Variants in ANXA10 observed in about 807,000 individuals in gnomAD.
ANXA10 encodes annexin A10.
ANXA10 carries 49 observed loss-of-function variants against 53.5 expected under a neutral mutation model. That is an observed-to-expected ratio of 0.92 (90% CI 0.73 to 1.16). The LOEUF (loss-of-function observed/expected upper bound fraction) is 1.16, where lower values mean the gene tolerates loss of function less well. ANXA10 is among the 50% of genes most tolerant of loss of function. The pLI is 0.00. For missense variants in ANXA10, 393 were observed against 394.4 expected (o/e 1.00, Z 0.03); for synonymous variants, 131 against 128.9 (o/e 1.02, Z -0.11).
intron 3 of ANXA10, among the ~76,000 whole-genome samples, chr4:168,147,431 C>A (rs988871724): frequency 1.3e-5 from 2 of 152,140 alleles, no homozygotes; most frequent in African/African-American, 4.8e-5. Context: ...CCAGAGGCTC[C>A]AATCAGCAAA....
chr4:168,111,964 T>C (rs1174042023), intron 1 of ANXA10, among the ~76,000 whole-genome samples: 1 of 152,146 alleles, frequency 6.6e-6, no homozygotes, highest in East Asian at 1.9e-4. Context: ...CACAATAGAC[T>C]TCAAGAAATA....
At chr4:168,097,756 A>G (rs1730575033) in intron 1 of ANXA10, among the ~76,000 whole-genome samples, 1 of 151,780 alleles carries the variant, frequency 6.6e-6, no homozygotes, top group Admixed American at 6.6e-5. Flanking sequence ...ATAAACCCTG[A>G]CCTCTTGAAA....
intron 6 of ANXA10, among the ~76,000 whole-genome samples, chr4:168,175,422 T>G (rs1303575118): frequency 6.6e-6 from 1 of 152,178 alleles, no homozygotes; most frequent in East Asian, 1.9e-4. Context: ...AATAAGTTAT[T>G]TAGGCTAAGG....
At chr4:168,174,116 T>C (rs1732072256) in intron 6 of ANXA10, among the ~76,000 whole-genome samples, 1 of 152,024 alleles carries the variant, frequency 6.6e-6, no homozygotes, top group Non-Finnish European at 1.5e-5. Flanking sequence ...CAGTGTAACC[T>C]CATTCTCCTT....
intron 1 of ANXA10, among the ~76,000 whole-genome samples, chr4:168,122,327 T>A (rs10212853): frequency 0.087 from 13,290 of 152,206 alleles, 1,943 homozygotes; most frequent in African/African-American, 0.3. Context: ...ATCAGGTGGT[T>A]AGAAAATAGT....
intron 1 of ANXA10, among the ~76,000 whole-genome samples, chr4:168,104,106 A>G (rs921423313): frequency 2.6e-5 from 4 of 151,878 alleles, no homozygotes; most frequent in Non-Finnish European, 5.9e-5. Context: ...TTTAACATGA[A>G]TAGATGCTAT....
intron 3 of ANXA10, among the ~76,000 whole-genome samples, chr4:168,156,425 ACT>A (rs1467406905): frequency 5.8e-5 from 7 of 120,538 alleles, no homozygotes; most frequent in African/African-American, 2.2e-4. Context: ...TATTATATAT[ACT>A]ATATAATATA....
chr4:168,095,658 T>C (rs1160046516), intron 1 of ANXA10, among the ~76,000 whole-genome samples: 1 of 152,268 alleles, frequency 6.6e-6, no homozygotes, highest in East Asian at 1.9e-4. Flanking sequence ...ACCCAAATGT[T>C]TTATACATAT....
intron 3 of ANXA10, among the ~76,000 whole-genome samples, chr4:168,145,673 A>G (rs1457424267): frequency 1.3e-5 from 2 of 152,188 alleles, no homozygotes; most frequent in African/African-American, 4.8e-5. Flanking sequence ...GAAATCCCAA[A>G]TTTTACAAAT....
At chr4:168,179,738 T>C (rs533794963) in intron 9 of ANXA10, among the ~76,000 whole-genome samples, 18 of 152,316 alleles carry the variant, frequency 1.2e-4, no homozygotes, top group African/African-American at 4.1e-4. Flanking sequence ...TAATAAATTT[T>C]GGTTTAGGAG....
At chr4:168,123,366 A>G (rs1245729812) in intron 1 of ANXA10, among the ~76,000 whole-genome samples, 1 of 152,212 alleles carries the variant, frequency 6.6e-6, no homozygotes, top group Non-Finnish European at 1.5e-5. Context: ...GCTCAGTTCC[A>G]AATATATCAT....
intron 1 of ANXA10, among the ~76,000 whole-genome samples, chr4:168,123,105 G>A (rs2149468770): frequency 6.6e-6 from 1 of 152,120 alleles, no homozygotes; most frequent in Non-Finnish European, 1.5e-5. Context: ...GGTTTTTGTG[G>A]GGGTCTACAC....
intron 2 of ANXA10, among the ~76,000 whole-genome samples, chr4:168,129,961 A>G (rs971909534): frequency 1.3e-5 from 2 of 152,180 alleles, no homozygotes. Context: ...AACCGAAGTC[A>G]TTTTTAACCT....
rs1560783575 is a variant in ANXA10, at chr4:168,155,720, TA to T, written c.196-6806del. Among the ~76,000 whole-genome samples, 81 of 63,900 alleles carry T rather than the reference TA, an allele frequency of 1.3e-3. 15 individuals carry two copies. Among genetic ancestry groups the T allele is most frequent in the African/African-American group, 4.9e-3 (76 of 15,618 alleles). The allele number at this position is 63,900 out of a possible 152,430, so 41.9% of individuals were successfully genotyped here. A position where few individuals can be genotyped will look rare whatever the true frequency, so the allele number is the denominator to read the frequency against. The stretch of plus-strand genomic sequence containing the variant: ...TATATTATAAATATATAATATTATA[TA>T]ATATAATATATGATATATCATATAT... On this transcript the variant is annotated intron_variant, in intron 3 of 11. Coordinates refer to ENST00000359299, the MANE Select transcript of ANXA10 (RefSeq NM_007193.5).
intron 4 of ANXA10, among the ~76,000 whole-genome samples, 200 bp from the exon 5 acceptor site, chr4:168,163,998 T>A (rs1731829977): frequency 6.6e-6 from 1 of 152,180 alleles, no homozygotes; most frequent in African/African-American, 2.4e-5. Context: ...TTCCTTCAGA[T>A]AATATTAATT....
intron 1 of ANXA10, chr4:168,127,815 A>AT (rs1731092814): frequency 2.8e-6 from 1 of 362,978 alleles, no homozygotes; most frequent in East Asian, 4.5e-5. Flanking sequence ...CAATGTTGAA[A>AT]CCTTTTTTTT....
At chr4:168,133,313 TA>T (rs1397099166) in intron 2 of ANXA10, among the ~76,000 whole-genome samples, 1 of 152,114 alleles carries the variant, frequency 6.6e-6, no homozygotes, top group African/African-American at 2.4e-5. Flanking sequence ...AATACATCCA[TA>T]AAAAATAATA....
At chr4:168,112,705 T>C (rs1560960601) in intron 1 of ANXA10, among the ~76,000 whole-genome samples, 1 of 152,148 alleles carries the variant, frequency 6.6e-6, no homozygotes, top group Non-Finnish European at 1.5e-5. Flanking sequence ...CATACTTCAC[T>C]AGCCATATGA....
At chr4:168,176,603 T>A (rs1732133633) in intron 6 of ANXA10, among the ~76,000 whole-genome samples, 2 of 152,166 alleles carry the variant, frequency 1.3e-5, no homozygotes, top group Non-Finnish European at 2.9e-5. Context: ...CCATTCATAC[T>A]ATTTAGGGAC....
Sources: allele counts gnomAD v4.1 joint callset (sites outside exome capture counted in the v4.1 genomes callset), GRCh38; gene constraint gnomAD v4.1.1; transcripts MANE v1.5; gene names NCBI Gene and HGNC (gene_info 2026-07-23, HGNC 2026-07-21).